Variants in COL4A3 observed in about 807,000 individuals in gnomAD.
The protein encoded by COL4A3 is collagen type IV alpha 3 chain.
Under a neutral mutation model 217.4 loss-of-function variants are expected in COL4A3, and 135 were observed. The observed-to-expected ratio is 0.62, with a 90% CI of 0.54 to 0.72. COL4A3 has a LOEUF of 0.72. Among genes scored for constraint, COL4A3 ranks in the 30% least tolerant of loss-of-function variants. The pLI, the probability that COL4A3 is intolerant of heterozygous loss-of-function variation, is 0.00. For synonymous variants in COL4A3, 690 were observed against 736.3 expected (o/e 0.94, Z 1.02); for missense variants, 1,868 against 2,119.9 (o/e 0.88, Z 2.33).
rs759455097 is a variant in COL4A3, at chr2:227,248,490, C to T, written c.516C>T (p.Asp172=). 3.2e-5 allele frequency: 51 copies of T among 1,613,034 alleles called. No homozygotes were observed. Among genetic ancestry groups the T allele is most frequent in the East Asian group, 2.2e-5 (1 of 44,880 alleles). Residue 172 remains aspartate (D), a synonymous_variant, in exon 9 of 52, where the codon GAC becomes GAT. Transcript: ENST00000396578. ...EEDIELDAKG[D]PGLPGAPGPQ... Reference sequence around the variant, plus strand: ...ATATAGAACTTGATGCAAAAGGCGACCCCGGGTTGCCAGGGGCTCCAGGAC... The same window carrying T: ...ATATAGAACTTGATGCAAAAGGCGATCCCGGGTTGCCAGGGGCTCCAGGAC...
At chr2:227,290,331 C>T (rs1397561250) in intron 36 of COL4A3, among the ~76,000 whole-genome samples, 1 of 152,162 alleles carries the variant, frequency 6.6e-6, no homozygotes, top group African/African-American at 2.4e-5. Flanking sequence ...AACCCCATCT[C>T]TACTAAAGAT....
At chr2:227,204,020 A>G (rs974719468) in intron 1 of COL4A3, among the ~76,000 whole-genome samples, 2 of 152,110 alleles carry the variant, frequency 1.3e-5, no homozygotes, top group East Asian at 3.9e-4. Context: ...CTGAGGATGC[A>G]GAAGTGGAAA....
chr2:227,219,027 C>A (rs566804855), intron 1 of COL4A3, among the ~76,000 whole-genome samples: 3 of 151,810 alleles, frequency 2.0e-5, no homozygotes, highest in African/African-American at 7.2e-5. Context: ...CAGAGTCTCG[C>A]TCTGTCCCCC....
At chr2:227,259,490 C>T (rs533723108) in intron 18 of COL4A3, among the ~76,000 whole-genome samples, 2 of 152,232 alleles carry the variant, frequency 1.3e-5, no homozygotes, top group South Asian at 4.1e-4. Flanking sequence ...TACACACATA[C>T]ATAGGTATGT....
chr2:227,225,096 G>A (rs539841875), intron 1 of COL4A3, among the ~76,000 whole-genome samples: 1 of 152,280 alleles, frequency 6.6e-6, no homozygotes, highest in Admixed American at 6.5e-5. Flanking sequence ...TATAGAGACA[G>A]GGTCCCACTA....
chr2:227,283,983 C>T, intron 33 of COL4A3, 127 bp downstream of exon 33: 1 of 1,034,476 alleles, frequency 9.7e-7, no homozygotes, highest in Non-Finnish European at 1.5e-6. Flanking sequence ...TTTGATTTTG[C>T]TGTTTTCTAT....
At chr2:227,298,974 T>A (rs995363174) in intron 43 of COL4A3, among the ~76,000 whole-genome samples, 162 bp downstream of exon 43, 2 of 152,056 alleles carry the variant, frequency 1.3e-5, no homozygotes, top group Non-Finnish European at 2.9e-5. Context: ...ATAAAAGAGG[T>A]TTAATTGACT....
At position 227,305,088 on chromosome 2, in the gene COL4A3, AC is replaced by A; in HGVS notation, c.4252+10del. The A allele has an allele frequency of 4.3e-6, 7 of 1,612,632 alleles. No homozygotes were observed. The highest frequency in any genetic ancestry group is 5.9e-6 in the Non-Finnish European group (7 of 1,179,168). On this transcript the variant is annotated splice_donor_region_variant and intron_variant, in intron 47 of 51. Transcript: ENST00000396578. ...AAGGTTCTAAAGGAGAGCCAGGTAA[AC>A]CCCCAGCTTGTTTCCTCACCGAAGA... is the stretch of plus-strand genomic sequence containing the variant.
At chr2:227,310,488 G>C (rs1008838355) in intron 50 of COL4A3, among the ~76,000 whole-genome samples, 1 of 152,094 alleles carries the variant, frequency 6.6e-6, no homozygotes, top group Non-Finnish European at 1.5e-5. Context: ...GCTACTTTTT[G>C]TATTTTTAGT....
At chr2:227,209,328 AGC>A (rs1260810876) in intron 1 of COL4A3, among the ~76,000 whole-genome samples, 4 of 152,200 alleles carry the variant, frequency 2.6e-5, no homozygotes, top group African/African-American at 7.2e-5. Flanking sequence ...CCTTCACTCC[AGC>A]CAGACTGGCC....
chr2:227,293,369 GC>G, intron 38 of COL4A3, 52 bp downstream of exon 38: 1 of 1,590,764 alleles, frequency 6.3e-7, no homozygotes, highest in Non-Finnish European at 8.6e-7. Flanking sequence ...TCAGAGTATA[GC>G]CCTCCTGAAA....
In COL4A3 at chr2:227,298,789, G is replaced by T; in HGVS notation, c.3859G>T (p.Asp1287Tyr). ...GPKGPPGTAG[D>Y]MGPPGRLGAP... The stretch of plus-strand genomic sequence containing the variant: ...AAAAGGTCCACCTGGAACTGCAGGA[G>T]ACATGGGACCACCAGGTCGTCTGGT... Residue 1287 changes from aspartate to tyrosine, a missense_variant, in exon 43 of 52, where the codon GAC becomes TAC. Physicochemically the swap from Asp to Tyr is radical, Grantham distance 160. This residue lies in a region of COL4A3 where 1,503 missense variants were observed against 1,786.1 expected (regional missense o/e 0.84). Transcript: ENST00000396578. 6.2e-7 allele frequency: 1 copy of T among 1,613,980 alleles called. No homozygotes were observed. The highest frequency in any genetic ancestry group is 8.5e-7 in the Non-Finnish European group (1 of 1,179,988).
At position 227,202,592 on chromosome 2, in the gene COL4A3, G is replaced by C. The variant is rs112318833; in HGVS notation, c.88-35376G>C. ...ACCCCGTCTCTACAAAAAATTAGCC[G>C]GGCGCGGTGGCGGGCACCTGTAGTC... On this transcript the variant is annotated intron_variant, in intron 1 of 51. Transcript: ENST00000396578. 4.0e-5 allele frequency among the ~76,000 whole-genome samples: 6 copies of C among 151,134 alleles called. No homozygotes were observed. In the East Asian group the frequency reaches 1.2e-3, roughly 29 times the overall value.
At chr2:227,246,405 G>C (rs540699583) in intron 6 of COL4A3, 88 of 527,554 alleles carry the variant, frequency 1.7e-4, no homozygotes, top group Non-Finnish European at 2.7e-4. Flanking sequence ...GGCCATGAAT[G>C]AACTAATTAC....
At chr2:227,182,652 C>G (rs763706866) in intron 1 of COL4A3, among the ~76,000 whole-genome samples, 4 of 152,030 alleles carry the variant, frequency 2.6e-5, no homozygotes, top group African/African-American at 4.8e-5. Flanking sequence ...ATTATAATCT[C>G]AGAAATAGAT....
rs932207890 is a variant in COL4A3 at position 227,256,071 on chromosome 2, G to A, written c.933+1G>A. The A allele has an allele frequency of 1.2e-6, 2 of 1,613,740 alleles. No individual in the cohort carries two copies. Among genetic ancestry groups the A allele is most frequent in the African/African-American group, 2.7e-5 (2 of 74,912 alleles). Reference sequence around the variant, plus strand: ...TGTTCCTGGCTTCCCTGGAAGTGAGGTATAGAGTTGATTTGGCCTATGGAG... The same window carrying A: ...TGTTCCTGGCTTCCCTGGAAGTGAGATATAGAGTTGATTTGGCCTATGGAG... On this transcript the variant is annotated splice_donor_variant, in intron 16 of 51. Coordinates refer to ENST00000396578, the MANE Select transcript of COL4A3 (RefSeq NM_000091.5). LOFTEE classifies it high-confidence loss of function.
At chr2:227,201,737 C>T (rs1355140995) in intron 1 of COL4A3, among the ~76,000 whole-genome samples, 1 of 152,116 alleles carries the variant, frequency 6.6e-6, no homozygotes, top group African/African-American at 2.4e-5. Context: ...GATTTAAAAC[C>T]ATCTATGGGA....
intron 47 of COL4A3, among the ~76,000 whole-genome samples, chr2:227,306,822 T>C (rs2073522297): frequency 6.6e-6 from 1 of 152,180 alleles, no homozygotes; most frequent in African/African-American, 2.4e-5. Flanking sequence ...ATCGCTGTTT[T>C]CTCTGTGATT....
chr2:227,195,510 A>C (rs532461828), intron 1 of COL4A3, among the ~76,000 whole-genome samples: 2 of 152,310 alleles, frequency 1.3e-5, no homozygotes, highest in South Asian at 4.1e-4. Context: ...ATGCTAGTGT[A>C]AACAAAGCTA....
Sources: gnomAD v4.1 joint callset for allele counts (sites outside exome capture counted in the v4.1 genomes callset) on GRCh38, gnomAD v4.1.1 for gene constraint, gnomAD v4.1.1 regional missense constraint, MANE v1.5 for transcripts, NCBI Gene and HGNC (gene_info 2026-07-23, HGNC 2026-07-21) for gene names.